CTNNA3: variants seen among roughly 807,000 people sequenced by gnomAD.
The protein encoded by CTNNA3 is catenin alpha-3.
CTNNA3 carries 76 observed loss-of-function variants against 95.7 expected under a neutral mutation model. The ratio of observed to expected loss-of-function variants is 0.79; its 90% CI spans 0.66 to 0.96. The LOEUF (loss-of-function observed/expected upper bound fraction) is 0.96. Among genes scored for constraint, CTNNA3 ranks in the 40% least tolerant of loss-of-function variants. CTNNA3 has a pLI of 0.00. For missense variants in CTNNA3, 1,191 were observed against 1,089.8 expected, an observed-to-expected ratio of 1.09 and a Z score of -1.31; for synonymous variants, 431 against 374.4, an observed-to-expected ratio of 1.15 and a Z score of -1.74.
intron 15 of CTNNA3, among the ~76,000 whole-genome samples, chr10:65,998,941 T>C (rs1386171852): frequency 7.9e-5 from 12 of 152,138 alleles, no homozygotes; most frequent in Admixed American, 7.9e-4. Context: ...ATTGCCCTTT[T>C]TCCCATGGTG....
intron 17 of CTNNA3, among the ~76,000 whole-genome samples, chr10:65,933,309 T>A (rs1001695726): frequency 2.6e-5 from 4 of 152,146 alleles, no homozygotes; most frequent in African/African-American, 9.7e-5. Context: ...ATATTGAAAT[T>A]AGAAAATGAT....
chr10:66,834,557 G>A (rs1842827800), intron 7 of CTNNA3, among the ~76,000 whole-genome samples: 1 of 152,162 alleles, frequency 6.6e-6, no homozygotes, highest in Non-Finnish European at 1.5e-5. Flanking sequence ...GTCACTGAGT[G>A]GTCTTAATCT....
At chr10:67,059,843 A>G (rs536332383) in intron 7 of CTNNA3, among the ~76,000 whole-genome samples, 2 of 152,292 alleles carry the variant, frequency 1.3e-5, no homozygotes, top group Admixed American at 1.3e-4. Context: ...AATAGCATGT[A>G]TGTCTTTATT....
rs567617416 is a variant in CTNNA3 at position 66,527,233 on chromosome 10, T to C, written c.1375-6460A>G. ...TTGTCAAAAATCATTTGACTGTAAATGCAAGGGTTTATTTCTGGGATATCT... is the reference window on the plus strand; with the variant it reads ...TTGTCAAAAATCATTTGACTGTAAACGCAAGGGTTTATTTCTGGGATATCT... On this transcript the variant is annotated intron_variant, in intron 10 of 17. Coordinates refer to ENST00000433211, the MANE Select transcript of CTNNA3 (RefSeq NM_013266.4). Among the ~76,000 whole-genome samples the C allele has an allele frequency of 2.0e-5, 3 of 152,294 alleles. No individual in the cohort carries two copies. In the South Asian group the frequency reaches 6.2e-4, roughly 32 times the overall value.
intron 7 of CTNNA3, among the ~76,000 whole-genome samples, chr10:66,798,607 A>G (rs1352803615): frequency 6.6e-6 from 1 of 151,634 alleles, no homozygotes; most frequent in Non-Finnish European, 1.5e-5. Flanking sequence ...TCCCAGAAAA[A>G]AAAAATGGGT....
intron 3 of CTNNA3, among the ~76,000 whole-genome samples, chr10:67,563,633 T>C (rs1187851940): frequency 1.3e-5 from 2 of 152,110 alleles, no homozygotes; most frequent in African/African-American, 4.8e-5. Context: ...AAAGCCTAAA[T>C]TGACAAATGG....
chr10:66,209,095 G>A (rs2087952917), intron 13 of CTNNA3, among the ~76,000 whole-genome samples: 1 of 151,938 alleles, frequency 6.6e-6, no homozygotes, highest in Admixed American at 6.6e-5. Flanking sequence ...TAATGAGCTG[G>A]CTATATCTAA....
intron 5 of CTNNA3, among the ~76,000 whole-genome samples, chr10:67,391,886 C>T (rs1441270113): frequency 2.6e-5 from 4 of 151,268 alleles, no homozygotes; most frequent in African/African-American, 4.9e-5. Flanking sequence ...CTTCCTTACA[C>T]CTTATACAAA....
chr10:67,751,995 C>A (rs931161477), intron 1 of CTNNA3, among the ~76,000 whole-genome samples: 5 of 152,112 alleles, frequency 3.3e-5, no homozygotes, highest in Non-Finnish European at 7.4e-5. Context: ...CATCCTGATA[C>A]CAAAACCTGG....
chr10:67,357,831 A>G (rs1036609015), intron 5 of CTNNA3, among the ~76,000 whole-genome samples: 3 of 152,092 alleles, frequency 2.0e-5, no homozygotes, highest in African/African-American at 7.2e-5. Context: ...AGCCAAAACA[A>G]TGCTAAAAAA....
chr10:66,704,411 A>G (rs1848053288), intron 9 of CTNNA3, among the ~76,000 whole-genome samples: 1 of 152,166 alleles, frequency 6.6e-6, no homozygotes, highest in African/African-American at 2.4e-5. Context: ...AATATTTTTA[A>G]TAATCTTTAC....
chr10:66,389,724 GGAGAGAGAGAGAGAGA>G (rs3980751), intron 11 of CTNNA3, among the ~76,000 whole-genome samples: 5 of 145,414 alleles, frequency 3.4e-5, no homozygotes, highest in Admixed American at 2.8e-4. Context: ...ATATATATAT[GGAGAGAGAGAGAGAGA>G]GAGAGAGAGA....
Position 66,599,356 on chromosome 10 carries a change from A to C in CTNNA3, c.1374+22336T>G, listed in dbSNP as rs139809658. On this transcript the variant is annotated intron_variant, in intron 10 of 17. Transcript: ENST00000433211. ...AGCTTGGTTCATAGGCACAGGCCAT[A>C]AACTTAAGTATTCGCTTAAGAGAAA... Among the ~76,000 whole-genome samples, 6 of 152,196 alleles carry C rather than the reference A, an allele frequency of 3.9e-5. No individual in the cohort carries two copies. In the East Asian group the frequency reaches 1.2e-3, roughly 29 times the overall value.
In CTNNA3 at chr10:66,423,695, C is replaced by T. The variant is rs74687315; in HGVS notation, c.1532-44343G>A. Among the ~76,000 whole-genome samples the T allele has an allele frequency of 0.013, 1,989 of 152,220 alleles. 179 individuals are homozygous for T. In the East Asian group the frequency reaches 0.24, roughly 18 times the overall value. ...CCCCACAATAAACTTCTCCCCGACA[C>T]GAAAACATTCCAAGCCTGTGATAAG... On this transcript the variant is annotated intron_variant, in intron 11 of 17. Transcript: ENST00000433211.
chr10:67,056,940 A>C (rs775382061), intron 7 of CTNNA3, among the ~76,000 whole-genome samples: 1 of 152,152 alleles, frequency 6.6e-6, no homozygotes, highest in Non-Finnish European at 1.5e-5. Flanking sequence ...CCTGGGTGCA[A>C]AAGAGTGGGA....
At chr10:67,066,261 C>T (rs1284418207) in intron 7 of CTNNA3, among the ~76,000 whole-genome samples, 1 of 145,440 alleles carries the variant, frequency 6.9e-6, no homozygotes, top group Non-Finnish European at 1.5e-5. Context: ...GGCACCATCT[C>T]AGCTCACTGC....
chr10:67,336,192 C>A (rs915666841), intron 5 of CTNNA3, among the ~76,000 whole-genome samples: 2 of 152,104 alleles, frequency 1.3e-5, no homozygotes, highest in Admixed American at 6.5e-5. Flanking sequence ...TCTCCTAGGG[C>A]TTTTTTATTC....
chr10:66,212,734 T>G (rs967453219), intron 13 of CTNNA3, among the ~76,000 whole-genome samples: 1 of 152,230 alleles, frequency 6.6e-6, no homozygotes, highest in African/African-American at 2.4e-5. Context: ...GCAAGCATGG[T>G]GGCTCACACC....
At chr10:67,329,809 GA>G (rs1284304332) in intron 5 of CTNNA3, among the ~76,000 whole-genome samples, 1 of 152,208 alleles carries the variant, frequency 6.6e-6, no homozygotes, top group East Asian at 1.9e-4. Context: ...AAATGAGACA[GA>G]AGTTTACTTT....
Sources: allele counts gnomAD v4.1 joint callset (sites outside exome capture counted in the v4.1 genomes callset), GRCh38; gene constraint gnomAD v4.1.1; transcripts MANE v1.5; gene names NCBI Gene and HGNC (gene_info 2026-07-23, HGNC 2026-07-21).